ATG7: variants seen among roughly 807,000 people sequenced by gnomAD.
ATG7 encodes the protein autophagy related 7, also known as ubiquitin-like modifier-activating enzyme ATG7.
Under a neutral mutation model 82.4 loss-of-function variants are expected in ATG7, and 70 were observed. The observed-to-expected ratio is 0.85, with a 90% CI of 0.70 to 1.04. The LOEUF is 1.04. Among genes scored for constraint, ATG7 ranks in the 50% least tolerant of loss-of-function variants. ATG7 has a pLI of 0.00. For missense variants in ATG7, 792 were observed against 864.3 expected (o/e 0.92, Z 1.05); for synonymous variants, 287 against 313.0 (o/e 0.92, Z 0.88).
chr3:11,392,345 G>T (rs1161492599), intron 19 of ATG7, among the ~76,000 whole-genome samples: 1 of 151,932 alleles, frequency 6.6e-6, no homozygotes, highest in Non-Finnish European at 1.5e-5. Flanking sequence ...TTTCTGGTTT[G>T]CATTTACTTG....
intron 20 of ATG7, among the ~76,000 whole-genome samples, chr3:11,511,362 C>T (rs1013485013): frequency 3.9e-5 from 6 of 152,124 alleles, no homozygotes; most frequent in African/African-American, 9.7e-5. Flanking sequence ...TACAGAGTTT[C>T]GACACACAGG....
chr3:11,308,604 G>A (rs890083890), intron 6 of ATG7: 2 of 211,262 alleles, frequency 9.5e-6, no homozygotes, highest in Admixed American at 5.4e-5. Flanking sequence ...GACTGCGAGT[G>A]TCTTGAGGGT....
intron 20 of ATG7, chr3:11,510,184 G>A (rs546583060): frequency 6.6e-6 from 3 of 456,470 alleles, no homozygotes; most frequent in African/African-American, 4.0e-5. Flanking sequence ...CCCCCTTTCA[G>A]GATCATCTTT....
chr3:11,527,977 C>T lies in ATG7; in HGVS notation c.2080-26834C>T, dbSNP rs2092618939. Among the ~76,000 whole-genome samples, 7 of 152,230 alleles carry T rather than the reference C, an allele frequency of 4.6e-5. No homozygotes were observed. The South Asian group carries it at 1.2e-3, about 27-fold the overall frequency. ...CTGATTTGTGATGCATCCTGCAGTCCTGCCTGTCATCTTGAATCATTAAAT... is the reference window on the plus strand; with the variant it reads ...CTGATTTGTGATGCATCCTGCAGTCTTGCCTGTCATCTTGAATCATTAAAT... On this transcript the variant is annotated intron_variant, in intron 20 of 20. Coordinates refer to ENST00000693202, the MANE Select transcript of ATG7 (RefSeq NM_001349232.2).
intron 20 of ATG7, among the ~76,000 whole-genome samples, chr3:11,547,445 T>C (rs2071391599): frequency 6.6e-6 from 1 of 152,018 alleles, no homozygotes; most frequent in African/African-American, 2.4e-5. Context: ...ATTCCACGTT[T>C]AACTTTTATG....
At chr3:11,461,127 G>T (rs528275767) in intron 20 of ATG7, among the ~76,000 whole-genome samples, 1 of 152,198 alleles carries the variant, frequency 6.6e-6, no homozygotes, top group Non-Finnish European at 1.5e-5. Flanking sequence ...GGTGGGGCAG[G>T]GTTTGTGGAA....
chr3:11,538,708 T>TAAAA (rs1559815418), intron 20 of ATG7, among the ~76,000 whole-genome samples: 2 of 57,092 alleles, frequency 3.5e-5, no homozygotes, highest in African/African-American at 1.7e-4. Context: ...AAAAAAAAAT[T>TAAAA]AGCCAAAAAA....
chr3:11,401,192 A>G (rs761854612), intron 19 of ATG7, among the ~76,000 whole-genome samples: 161 of 152,244 alleles, frequency 1.1e-3, no homozygotes, highest in Non-Finnish European at 2.2e-3. Flanking sequence ...CTGTTTTAAC[A>G]AGCCTTCCTG....
chr3:11,432,356 G>T (rs1257327810), intron 20 of ATG7, among the ~76,000 whole-genome samples: 1 of 152,130 alleles, frequency 6.6e-6, no homozygotes, highest in East Asian at 1.9e-4. Flanking sequence ...AATGTGTGTG[G>T]TAGATTAATT....
chr3:11,338,400 G>T (rs1952898846), intron 11 of ATG7, among the ~76,000 whole-genome samples: 1 of 152,132 alleles, frequency 6.6e-6, no homozygotes. Context: ...GATGTTAAGA[G>T]ACACATTTTT....
At chr3:11,529,877 AC>A (rs2092660433) in intron 20 of ATG7, 1 of 152,158 alleles carries the variant, frequency 6.6e-6, no homozygotes, top group African/African-American at 2.4e-5. Context: ...TGGCTCTGTC[AC>A]CTTTTGCTCC....
chr3:11,372,845 C>CGTGT (rs1435850608), intron 18 of ATG7, among the ~76,000 whole-genome samples: 8 of 21,388 alleles, frequency 3.7e-4, no homozygotes, highest in African/African-American at 8.1e-4. Context: ...TGCGTGCGTG[C>CGTGT]GTGTGCGTGT....
At chr3:11,363,044 C>A in intron 17 of ATG7, 116 bp downstream of exon 17, 1 of 930,488 alleles carries the variant, frequency 1.1e-6, no homozygotes, top group Non-Finnish European at 1.6e-6. Flanking sequence ...ACTATTTCAC[C>A]CTCAAAAAAA....
At chr3:11,395,967 GT>G (rs1308060206) in intron 19 of ATG7, among the ~76,000 whole-genome samples, 11,798 of 105,744 alleles carry the variant, frequency 0.11, 2,525 homozygotes, top group South Asian at 0.21. Context: ...AAAAAAAAAG[GT>G]AGGGGGGGAA....
At chr3:11,451,207 T>G (rs1474778138) in intron 20 of ATG7, among the ~76,000 whole-genome samples, 1 of 129,308 alleles carries the variant, frequency 7.7e-6, no homozygotes, top group Non-Finnish European at 1.6e-5. Context: ...AAGTAAAGGT[T>G]GACACTTTTT....
the ATG7 span, among the ~76,000 whole-genome samples, chr3:11,570,263 G>C: frequency 1.3e-5 from 2 of 151,858 alleles, no homozygotes; most frequent in African/African-American, 2.4e-5. Flanking sequence ...TCACCTCGCA[G>C]CTCCATCCCA....
At chr3:11,490,453 A>G (rs1265625584) in intron 20 of ATG7, among the ~76,000 whole-genome samples, 2 of 151,956 alleles carry the variant, frequency 1.3e-5, no homozygotes, top group Non-Finnish European at 2.9e-5. Flanking sequence ...TTTTAATTGG[A>G]GCATTTAGTC....
chr3:11,361,872 G>A (rs1480361910), intron 16 of ATG7, among the ~76,000 whole-genome samples: 1 of 152,162 alleles, frequency 6.6e-6, no homozygotes, highest in Non-Finnish European at 1.5e-5. Context: ...AACAGATAAC[G>A]ATTTCCAGTG....
intron 3 of ATG7, among the ~76,000 whole-genome samples, chr3:11,292,314 C>T (rs1460240594): frequency 6.7e-6 from 1 of 148,912 alleles, no homozygotes; most frequent in Non-Finnish European, 1.5e-5. Context: ...AGTGCAGTGG[C>T]ACGATCTCCA....
Sources: allele counts gnomAD v4.1 joint callset (sites outside exome capture counted in the v4.1 genomes callset), GRCh38; gene constraint gnomAD v4.1.1; transcripts MANE v1.5; gene names NCBI Gene and HGNC (gene_info 2026-07-23, HGNC 2026-07-21).